Variants in BANK1 observed in about 807,000 individuals in gnomAD.
BANK1 encodes B-cell scaffold protein with ankyrin repeats.
A neutral mutation model predicts 94.5 loss-of-function variants in BANK1; 95 were observed. That is an observed-to-expected ratio of 1.00 (90% CI 0.85 to 1.19). BANK1 has a LOEUF of 1.19. BANK1 is among the 50% of genes most tolerant of loss of function. The pLI, the probability that BANK1 is intolerant of heterozygous loss-of-function variation, is 0.00. For synonymous variants in BANK1, 334 were observed against 308.4 expected, an observed-to-expected ratio of 1.08 and a Z score of -0.87; for missense variants, 987 against 932.2, an observed-to-expected ratio of 1.06 and a Z score of -0.77.
At chr4:102,072,194 G>A in intron 14 of BANK1, 151 bp from the exon 15 acceptor site, 3 of 641,994 alleles carry the variant, frequency 4.7e-6, no homozygotes, top group South Asian at 2.0e-5. Context: ...TGCCAAGGGT[G>A]CCTTTTCGGT....
intron 7 of BANK1, among the ~76,000 whole-genome samples, chr4:101,971,881 AC>A (rs1237272480): frequency 2.0e-5 from 3 of 152,052 alleles, no homozygotes; most frequent in African/African-American, 7.2e-5. Context: ...CTGTTTAATT[AC>A]CACAGATTTG....
At chr4:101,882,048 A>T (rs1728696334) in intron 5 of BANK1, among the ~76,000 whole-genome samples, 1 of 152,140 alleles carries the variant, frequency 6.6e-6, no homozygotes, top group South Asian at 2.1e-4. Context: ...ATTTCATTGT[A>T]CATTTTAGAG....
chr4:101,839,378 T>C (rs1726947218), intron 2 of BANK1, among the ~76,000 whole-genome samples: 2 of 152,160 alleles, frequency 1.3e-5, no homozygotes, highest in Non-Finnish European at 2.9e-5. Context: ...TATTAAGATA[T>C]GTGGAAATCA....
At chr4:101,962,732 A>G (rs571770241) in intron 7 of BANK1, among the ~76,000 whole-genome samples, 4 of 152,236 alleles carry the variant, frequency 2.6e-5, no homozygotes, top group African/African-American at 9.6e-5. Flanking sequence ...TGCGATATAC[A>G]TTCGTTTCTA....
chr4:102,058,932 A>G (rs1333262271), intron 11 of BANK1, among the ~76,000 whole-genome samples: 1 of 152,198 alleles, frequency 6.6e-6, no homozygotes, highest in Non-Finnish European at 1.5e-5. Context: ...AACCCTCTCC[A>G]TGTCCCTGTT....
chr4:101,956,465 C>T (rs1397114979), intron 7 of BANK1, among the ~76,000 whole-genome samples: 1 of 152,120 alleles, frequency 6.6e-6, no homozygotes, highest in East Asian at 1.9e-4. Flanking sequence ...ATAAAAGATC[C>T]TCGCTCATCC....
At chr4:101,932,358 T>C (rs558624957) in intron 7 of BANK1, among the ~76,000 whole-genome samples, 5 of 151,712 alleles carry the variant, frequency 3.3e-5, no homozygotes, top group South Asian at 4.1e-4. Context: ...TATATGTTTG[T>C]GTATGTACAT....
chr4:101,909,334 T>C (rs1480830392), intron 6 of BANK1, among the ~76,000 whole-genome samples: 1 of 152,036 alleles, frequency 6.6e-6, no homozygotes, highest in African/African-American at 2.4e-5. Flanking sequence ...TAGGTGAGAA[T>C]TGAACAATGA....
chr4:102,038,581 G>C (rs1224279645), intron 10 of BANK1, among the ~76,000 whole-genome samples: 1 of 152,124 alleles, frequency 6.6e-6, no homozygotes, highest in East Asian at 1.9e-4. Flanking sequence ...GAGGGAGGAA[G>C]ACTGCTCACC....
At chr4:101,816,174 G>A (rs866625597) in intron 1 of BANK1, among the ~76,000 whole-genome samples, 1 of 152,234 alleles carries the variant, frequency 6.6e-6, no homozygotes, top group East Asian at 1.9e-4. Flanking sequence ...GTGGTCAAAG[G>A]CTTGTTATGC....
At chr4:101,879,951 A>G (rs1477225400) in intron 5 of BANK1, among the ~76,000 whole-genome samples, 1 of 152,096 alleles carries the variant, frequency 6.6e-6, no homozygotes, top group African/African-American at 2.4e-5. Flanking sequence ...TGACATAGAA[A>G]AGCCATGTAT....
At chr4:102,028,523 G>T (rs544769797) in intron 9 of BANK1, among the ~76,000 whole-genome samples, 2 of 152,076 alleles carry the variant, frequency 1.3e-5, no homozygotes, top group African/African-American at 2.4e-5. Flanking sequence ...TCTGCTACTT[G>T]TCTTTCCCCT....
chr4:101,989,835 A>G (rs569772388), intron 7 of BANK1, among the ~76,000 whole-genome samples: 5 of 152,284 alleles, frequency 3.3e-5, no homozygotes, highest in African/African-American at 1.2e-4. Context: ...ATGTTGTTAT[A>G]TCTCATTACT....
At chr4:101,813,464 TA>T (rs1341146194) in intron 1 of BANK1, among the ~76,000 whole-genome samples, 1 of 152,218 alleles carries the variant, frequency 6.6e-6, no homozygotes, top group Non-Finnish European at 1.5e-5. Context: ...AAAAAGCCAC[TA>T]TGGTGATTCT....
intron 5 of BANK1, among the ~76,000 whole-genome samples, chr4:101,888,935 A>T (rs73836630): frequency 2.2e-3 from 330 of 152,286 alleles, no homozygotes; most frequent in African/African-American, 7.5e-3. Flanking sequence ...CATTTTGCTC[A>T]GTGTTCACAC....
At chr4:102,050,906 G>A (rs1267569496) in intron 11 of BANK1, among the ~76,000 whole-genome samples, 1 of 152,066 alleles carries the variant, frequency 6.6e-6, no homozygotes, top group African/African-American at 2.4e-5. Context: ...TTATCTGCAT[G>A]GCCCCTATAG....
At chr4:101,983,585 A>C (rs1448270654) in intron 7 of BANK1, among the ~76,000 whole-genome samples, 1 of 152,116 alleles carries the variant, frequency 6.6e-6, no homozygotes, top group African/African-American at 2.4e-5. Flanking sequence ...GTTGGAAGAC[A>C]AGATTATGAA....
At chr4:101,858,731 C>T (rs749115195) in intron 3 of BANK1, among the ~76,000 whole-genome samples, 4 of 152,134 alleles carry the variant, frequency 2.6e-5, no homozygotes, top group East Asian at 1.9e-4. Context: ...TGAAAGTCAT[C>T]GTGCAACCAC....
At chr4:102,038,576 AG>A (rs1727599850) in intron 10 of BANK1, among the ~76,000 whole-genome samples, 1 of 152,228 alleles carries the variant, frequency 6.6e-6, no homozygotes, top group Admixed American at 6.5e-5. Flanking sequence ...AACAGGAGGG[AG>A]GAAGACTGCT....
Sources: gnomAD v4.1 joint callset for allele counts (sites outside exome capture counted in the v4.1 genomes callset) on GRCh38, gnomAD v4.1.1 for gene constraint, MANE v1.5 for transcripts, NCBI Gene and HGNC (gene_info 2026-07-23, HGNC 2026-07-21) for gene names.